The following TXNRD1 variants were observed in gnomAD, a reference collection of about 807,000 sequenced individuals.
TXNRD1 encodes thioredoxin reductase 1, cytoplasmic.
Under a neutral mutation model 80.3 loss-of-function variants are expected in TXNRD1, and 57 were observed. The observed-to-expected ratio is 0.71, with a 90% CI of 0.57 to 0.89. TXNRD1 has a LOEUF of 0.89. Among genes scored for constraint, TXNRD1 ranks in the 40% least tolerant of loss-of-function variants. TXNRD1 has a pLI of 0.00. For synonymous variants in TXNRD1, 291 were observed against 285.2 expected (o/e 1.02, Z -0.20); for missense variants, 730 against 803.0 (o/e 0.91, Z 1.10).
intron 2 of TXNRD1, among the ~76,000 whole-genome samples, chr12:104,257,059 G>C (rs1345946286): frequency 8.5e-6 from 1 of 117,430 alleles, no homozygotes; most frequent in East Asian, 2.8e-4. Context: ...AAATTTTATT[G>C]TATAACTGGA....
intron 3 of TXNRD1, among the ~76,000 whole-genome samples, chr12:104,263,573 C>T (rs1393122268): frequency 2.0e-5 from 3 of 152,302 alleles, no homozygotes; most frequent in South Asian, 2.1e-4. Flanking sequence ...AGACTTGTAT[C>T]TATACTTCAG....
intron 16 of TXNRD1, among the ~76,000 whole-genome samples, chr12:104,343,708 C>G (rs569815120): frequency 2.0e-5 from 3 of 151,942 alleles, no homozygotes; most frequent in South Asian, 2.1e-4. Context: ...GACCGAGGCA[C>G]AAGAATCACT....
rs113952063 is a variant in TXNRD1 at position 104,224,350 on chromosome 12, A to G, written c.91+8457A>G. Among the ~76,000 whole-genome samples the G allele has an allele frequency of 8.5e-3, 1,299 of 152,110 alleles. 21 individuals are homozygous for G. Among genetic ancestry groups the G allele is most frequent in the African/African-American group, 0.029 (1,212 of 41,502 alleles). ...CATATAGTGTATTGTGTAGCATTCT[A>G]TTAGACTGGGCTCCTGGGGGTAAGG... On this transcript the variant is annotated intron_variant, in intron 1 of 16. Coordinates refer to ENST00000525566, the MANE Select transcript of TXNRD1 (RefSeq NM_001093771.3).
At chr12:104,279,619 C>T (rs748649554) in intron 3 of TXNRD1, among the ~76,000 whole-genome samples, 9 of 152,320 alleles carry the variant, frequency 5.9e-5, no homozygotes, top group Non-Finnish European at 1.3e-4. Context: ...TCAAAGTCTA[C>T]ACTGCATAAT....
intron 1 of TXNRD1, among the ~76,000 whole-genome samples, chr12:104,248,548 T>C (rs1593704902): frequency 6.6e-6 from 1 of 152,158 alleles, no homozygotes; most frequent in Non-Finnish European, 1.5e-5. Flanking sequence ...CCTCCCAAAG[T>C]GCAGGAATTA....
chr12:104,313,197 T>C (rs1186466380), intron 5 of TXNRD1, 48 bp from the exon 6 acceptor site: 1 of 1,452,630 alleles, frequency 6.9e-7, no homozygotes, highest in African/African-American at 1.4e-5. Flanking sequence ...CCATTTCCAA[T>C]CTGTCATGTT....
intron 1 of TXNRD1, among the ~76,000 whole-genome samples, chr12:104,233,268 A>G (rs1236235108): frequency 6.6e-6 from 1 of 152,162 alleles, no homozygotes; most frequent in Non-Finnish European, 1.5e-5. Context: ...TTTAAAAGAA[A>G]CTATTATTTC....
chr12:104,235,616 T>C (rs1788037298), intron 1 of TXNRD1, among the ~76,000 whole-genome samples: 2 of 152,128 alleles, frequency 1.3e-5, no homozygotes, highest in South Asian at 4.1e-4. Context: ...AAATTTATAG[T>C]TAATGAAAAA....
intron 10 of TXNRD1, among the ~76,000 whole-genome samples, chr12:104,324,075 C>G (rs1405790647): frequency 6.6e-6 from 1 of 152,052 alleles, no homozygotes; most frequent in Non-Finnish European, 1.5e-5. Context: ...AAATATTGTT[C>G]TAGATACCAA....
At chr12:104,236,840 A>G (rs1332443831) in intron 1 of TXNRD1, among the ~76,000 whole-genome samples, 1 of 149,162 alleles carries the variant, frequency 6.7e-6, no homozygotes, top group Non-Finnish European at 1.5e-5. Context: ...TTATAGGTAT[A>G]TTTAAGGCCT....
intron 14 of TXNRD1, 39 bp downstream of exon 14, chr12:104,331,680 A>G: frequency 1.5e-6 from 2 of 1,353,112 alleles, no homozygotes; most frequent in Non-Finnish European, 1.0e-6. Flanking sequence ...TTATATCACT[A>G]CTTTTTTTTC....
At chr12:104,327,734 A>T in intron 13 of TXNRD1, 63 bp downstream of exon 13, 1 of 1,543,646 alleles carries the variant, frequency 6.5e-7, no homozygotes, top group South Asian at 1.2e-5. Flanking sequence ...TTCCTTATTT[A>T]GGGGGCAGTT....
intron 10 of TXNRD1, among the ~76,000 whole-genome samples, chr12:104,324,509 G>A (rs557000069): frequency 2.8e-4 from 43 of 151,956 alleles, no homozygotes; most frequent in South Asian, 1.9e-3. Context: ...CCGCCACCAC[G>A]CCCGGCTAAT....
intron 10 of TXNRD1, among the ~76,000 whole-genome samples, chr12:104,323,819 C>CA (rs1555216455): frequency 3.3e-5 from 5 of 151,386 alleles, no homozygotes; most frequent in Non-Finnish European, 5.9e-5. Context: ...GACCCCCCCC[C>CA]ACCTCCCTCC....
intron 3 of TXNRD1, among the ~76,000 whole-genome samples, chr12:104,260,741 A>T (rs1426148084): frequency 6.6e-6 from 1 of 152,178 alleles, no homozygotes; most frequent in Non-Finnish European, 1.5e-5. Context: ...AAAAATATAA[A>T]TTTTCCTGGG....
intron 3 of TXNRD1, chr12:104,287,307 G>A: frequency 6.2e-7 from 1 of 1,614,010 alleles, no homozygotes; most frequent in Non-Finnish European, 8.5e-7. Context: ...TGGCGTGTGC[G>A]GTTTCGACCC....
chr12:104,323,569 C>T (rs1327222508), intron 10 of TXNRD1, among the ~76,000 whole-genome samples: 6 of 124,634 alleles, frequency 4.8e-5, no homozygotes, highest in African/African-American at 6.7e-5. Flanking sequence ...GGCGGCTGGC[C>T]GGGCGGGGGG....
chr12:104,239,462 T>C (rs1434524256), intron 1 of TXNRD1, among the ~76,000 whole-genome samples: 8 of 152,182 alleles, frequency 5.3e-5, no homozygotes, highest in Non-Finnish European at 1.2e-4. Context: ...CACGAAGTAC[T>C]GGGATTACAC....
At chr12:104,261,382 T>C (rs1162205779) in intron 3 of TXNRD1, among the ~76,000 whole-genome samples, 1 of 152,128 alleles carries the variant, frequency 6.6e-6, no homozygotes, top group African/African-American at 2.4e-5. Context: ...AGGCTGGTCT[T>C]GAACTCCTGA....
Sources: gnomAD v4.1 joint callset for allele counts (sites outside exome capture counted in the v4.1 genomes callset) on GRCh38, gnomAD v4.1.1 for gene constraint, MANE v1.5 for transcripts, NCBI Gene and HGNC (gene_info 2026-07-23, HGNC 2026-07-21) for gene names.